RNF121: variants seen among roughly 807,000 people sequenced by gnomAD.
RNF121 encodes the protein ring finger protein 121, also known as E3 ubiquitin ligase RNF121.
In RNF121, 21 loss-of-function variants were observed where a neutral mutation model predicts 46.5. The observed-to-expected ratio is 0.45, with a 90% CI of 0.32 to 0.65. The LOEUF is 0.65. Ranked by LOEUF, RNF121 falls within the 30% of genes least tolerant of loss-of-function variation. The pLI is 0.04. For missense variants in RNF121, 346 were observed against 416.0 expected (o/e 0.83, Z 1.46); for synonymous variants, 139 against 144.7 (o/e 0.96, Z 0.28).
At chr11:71,942,803 T>TACAC (rs141356177) in intron 1 of RNF121, among the ~76,000 whole-genome samples, 7,159 of 147,472 alleles carry the variant, frequency 0.049, 265 homozygotes, top group South Asian at 0.11. Context: ...TATATATATG[T>TACAC]ACACACACAC....
intron 1 of RNF121, among the ~76,000 whole-genome samples, chr11:71,938,183 A>T (rs1163241519): frequency 1.3e-5 from 2 of 151,976 alleles, no homozygotes; most frequent in African/African-American, 4.8e-5. Context: ...GAGCCTAACT[A>T]CCTCTGAGCT....
rs538111710 is a variant in RNF121 at position 71,977,858 on chromosome 11, G to A, written c.244-4903G>A. 1.7e-4 allele frequency among the ~76,000 whole-genome samples: 26 copies of A among 152,266 alleles called. No individual in the cohort carries two copies. The East Asian group carries it at 3.3e-3, about 19-fold the overall frequency. On this transcript the variant is annotated intron_variant, in intron 3 of 8. Transcript: ENST00000361756. ...ATTAGCCAAGTCCTGGAGGGCCAAG[G>A]CTTTCATGCTTTCCACAGCATCAGG...
Position 71,996,343 on chromosome 11 carries a change from C to G in RNF121, c.*28C>G. The G allele has an allele frequency of 6.2e-7, 1 of 1,611,938 alleles. No homozygotes were observed. The highest frequency in any genetic ancestry group is 8.5e-7 in the Non-Finnish European group (1 of 1,178,838). ...ATGAAGAGCATCAGTGGAAAACCCACCCCACACGCCATGGACCTCAGGGCA... is the reference window on the plus strand; with the variant it reads ...ATGAAGAGCATCAGTGGAAAACCCAGCCCACACGCCATGGACCTCAGGGCA... On this transcript the variant is annotated 3_prime_UTR_variant, in exon 9 of 9. Transcript: ENST00000361756.
chr11:71,934,056 CT>C, intron 1 of RNF121, among the ~76,000 whole-genome samples: 1 of 152,324 alleles, frequency 6.6e-6, no homozygotes, highest in East Asian at 1.9e-4. Context: ...GAATACCTTT[CT>C]TTTCCCTTAT....
At chr11:71,936,035 G>T (rs1285354235) in intron 1 of RNF121, among the ~76,000 whole-genome samples, 2 of 151,510 alleles carry the variant, frequency 1.3e-5, no homozygotes, top group African/African-American at 4.9e-5. Flanking sequence ...TTTTAGTAGA[G>T]ACAGGGTTTC....
intron 3 of RNF121, among the ~76,000 whole-genome samples, chr11:71,971,784 G>A (rs866927019): frequency 4.6e-5 from 7 of 152,232 alleles, no homozygotes; most frequent in Admixed American, 1.3e-4. Flanking sequence ...AGTGCCAAGT[G>A]TTGGCAAGGA....
At chr11:71,953,936 G>T (rs1007781849) in intron 1 of RNF121, among the ~76,000 whole-genome samples, 1 of 152,120 alleles carries the variant, frequency 6.6e-6, no homozygotes, top group Non-Finnish European at 1.5e-5. Context: ...CTTTCCCTCT[G>T]CCTAGCATTT....
intron 6 of RNF121, 165 bp downstream of exon 6, chr11:71,990,882 C>A: frequency 3.8e-6 from 3 of 798,750 alleles, no homozygotes; most frequent in South Asian, 1.9e-5. Flanking sequence ...GTTTGGAAAG[C>A]AACACAGCCA....
intron 1 of RNF121, among the ~76,000 whole-genome samples, chr11:71,953,191 G>A (rs1590783626): frequency 6.6e-6 from 1 of 152,066 alleles, no homozygotes. Context: ...ATGCCACCAC[G>A]CCTGGCTAAT....
At chr11:71,983,385 G>T (rs572703243) in intron 4 of RNF121, among the ~76,000 whole-genome samples, 16 of 152,306 alleles carry the variant, frequency 1.1e-4, no homozygotes, top group African/African-American at 3.8e-4. Context: ...GTTTGTCACT[G>T]TATATTCAGG....
At chr11:71,931,555 T>C (rs780878064) in intron 1 of RNF121, among the ~76,000 whole-genome samples, 60 of 152,214 alleles carry the variant, frequency 3.9e-4, no homozygotes, top group Non-Finnish European at 7.6e-4. Flanking sequence ...GTCTTTAATA[T>C]GTAATTATGG....
chr11:71,990,811 G>T lies in RNF121; in HGVS notation c.627+94G>T, dbSNP rs924395881. On this transcript the variant is annotated intron_variant, in intron 6 of 8. Transcript: ENST00000361756. ...TTTAATGGAAGAGAAAGGCACTAGG[G>T]TGAGATAAGCCACATAAAATCCTTC... 13 of 1,468,152 alleles carry T rather than the reference G, an allele frequency of 8.9e-6. No individual in the cohort carries two copies. The African/African-American group carries it at 1.8e-4, about 21-fold the overall frequency. The allele number at this position is 1,468,152 out of a possible 1,614,324, so 90.9% of individuals were successfully genotyped here.
chr11:71,995,073 C>T (rs553390649), intron 7 of RNF121, among the ~76,000 whole-genome samples: 1 of 152,332 alleles, frequency 6.6e-6, no homozygotes, highest in African/African-American at 2.4e-5. Context: ...CCTGAGGCTG[C>T]AGCTAGTGAG....
intron 4 of RNF121, among the ~76,000 whole-genome samples, chr11:71,984,318 C>A (rs1015429188): frequency 2.6e-5 from 4 of 152,164 alleles, no homozygotes; most frequent in African/African-American, 9.7e-5. Flanking sequence ...GCTCTGTCGC[C>A]CAGGCTGGAG....
chr11:71,947,858 T>C (rs1194115388), intron 1 of RNF121, among the ~76,000 whole-genome samples: 2 of 152,278 alleles, frequency 1.3e-5, no homozygotes, highest in Non-Finnish European at 1.5e-5. Context: ...GCCACTCCAA[T>C]TGTTAGAGAA....
At chr11:71,932,423 A>G (rs1052169705) in intron 1 of RNF121, among the ~76,000 whole-genome samples, 3 of 152,256 alleles carry the variant, frequency 2.0e-5, no homozygotes, top group African/African-American at 7.2e-5. Context: ...AGCTTAGCCC[A>G]TGCTATACTG....
intron 3 of RNF121, among the ~76,000 whole-genome samples, chr11:71,982,558 A>T (rs768533495): frequency 2.6e-5 from 4 of 152,134 alleles, no homozygotes; most frequent in Non-Finnish European, 5.9e-5. Context: ...TATCCAAGAG[A>T]TAGTTGAGTG....
intron 1 of RNF121, among the ~76,000 whole-genome samples, chr11:71,952,167 A>G (rs1038205853): frequency 1.3e-5 from 2 of 152,250 alleles, no homozygotes; most frequent in Admixed American, 1.3e-4. Context: ...TACATGCTAC[A>G]AAGTGGATGA....
chr11:71,930,179 T>C (rs1953240110), intron 1 of RNF121, among the ~76,000 whole-genome samples: 1 of 152,136 alleles, frequency 6.6e-6, no homozygotes, highest in Non-Finnish European at 1.5e-5. Flanking sequence ...TAGCTAGTGG[T>C]GTTTGTGATC....
Sources: gnomAD v4.1 joint callset for allele counts (sites outside exome capture counted in the v4.1 genomes callset) on GRCh38, gnomAD v4.1.1 for gene constraint, MANE v1.5 for transcripts, NCBI Gene and HGNC (gene_info 2026-07-23, HGNC 2026-07-21) for gene names.